Variants in CEP63 observed in about 807,000 individuals in gnomAD.
The protein encoded by CEP63 is centrosomal protein 63, also known as centrosomal protein of 63 kDa.
A neutral mutation model predicts 89.1 loss-of-function variants in CEP63; 84 were observed. The ratio of observed to expected loss-of-function variants is 0.94; its 90% CI spans 0.79 to 1.13. The LOEUF (loss-of-function observed/expected upper bound fraction) is 1.13. CEP63 is among the 50% of genes most tolerant of loss of function. CEP63 has a pLI of 0.00. For synonymous variants in CEP63, 267 were observed against 272.5 expected (o/e 0.98, Z 0.20); for missense variants, 838 against 813.3 (o/e 1.03, Z -0.37).
the CEP63 span, among the ~76,000 whole-genome samples, chr3:134,609,611 G>C: frequency 6.6e-6 from 1 of 152,132 alleles, no homozygotes; most frequent in Non-Finnish European, 1.5e-5. Flanking sequence ...TTAAGGCCAG[G>C]ATTGGCCAGA....
chr3:134,668,813 T>A, the CEP63 span, among the ~76,000 whole-genome samples: 1 of 152,188 alleles, frequency 6.6e-6, no homozygotes. Flanking sequence ...AAGCATATCT[T>A]ATTGTCACAT....
the CEP63 span, among the ~76,000 whole-genome samples, chr3:134,720,948 T>C: frequency 0.55 from 83,815 of 151,964 alleles, 24,649 homozygotes; most frequent in East Asian, 0.78. Flanking sequence ...AAGATTGTTT[T>C]GGCTATTTTG....
chr3:134,547,447 G>A lies in CEP63; in HGVS notation c.1042G>A (p.Ala348Thr). 1.2e-6 allele frequency: 2 copies of A among 1,613,704 alleles called. No individual in the cohort carries two copies. Among genetic ancestry groups the A allele is most frequent in the Admixed American group, 1.7e-5 (1 of 60,002 alleles). The change falls in exon 9 of 15, where the codon GCA becomes ACA. Residue 348 changes from alanine (A) to threonine (T), a missense_variant. By Grantham distance (58) the Ala-to-Thr change is moderately conservative. Transcript: ENST00000675561. ...FTHTSEDLLQ[A>T]EVTCLEGSLE... The stretch of plus-strand genomic sequence containing the variant: ...CCATACTAGTGAGGACCTTCTGCAG[G>A]CAGAGGTGACTTGTCTTGAAGGCAG...
intron 6 of CEP63, among the ~76,000 whole-genome samples, chr3:134,538,533 G>GTA (rs1404514000): frequency 0.02 from 1,996 of 101,088 alleles, 63 homozygotes; most frequent in African/African-American, 0.042. Context: ...GTGTGTGTGT[G>GTA]TATATATATA....
At chr3:134,550,312 A>C in intron 11 of CEP63, 52 bp downstream of exon 11, 1 of 1,477,648 alleles carries the variant, frequency 6.8e-7, no homozygotes, top group Non-Finnish European at 9.4e-7. Flanking sequence ...TTAAAGATGG[A>C]GTTGATTAAA....
At chr3:134,549,955 T>A (rs771777728) in intron 10 of CEP63, 108 bp from the exon 11 acceptor site, 98 of 838,654 alleles carry the variant, frequency 1.2e-4, no homozygotes, top group Non-Finnish European at 1.8e-4. Context: ...TAAGAGAAAT[T>A]TAATGTCTTG....
the CEP63 span, among the ~76,000 whole-genome samples, chr3:134,663,042 G>C: frequency 1.6e-3 from 242 of 152,274 alleles, no homozygotes; most frequent in African/African-American, 5.4e-3. Flanking sequence ...CTCCTCTTGG[G>C]GATGGGGATG....
chr3:134,552,520 T>C (rs1451866031), intron 12 of CEP63: 1 of 153,668 alleles, frequency 6.5e-6, no homozygotes, highest in African/African-American at 2.4e-5. Flanking sequence ...TATTTTTTTA[T>C]ATTATGTATG....
chr3:134,523,421 TGTTGCA>T (rs1947934714), intron 3 of CEP63, among the ~76,000 whole-genome samples: 1 of 152,240 alleles, frequency 6.6e-6, no homozygotes, highest in African/African-American at 2.4e-5. Context: ...GACTTGCTTT[TGTTGCA>T]GTTGCTTTTG....
intron 9 of CEP63, 116 bp downstream of exon 9, chr3:134,547,588 T>G: frequency 3.0e-6 from 2 of 671,154 alleles, no homozygotes; most frequent in Non-Finnish European, 5.0e-6. Flanking sequence ...TTTTCTAGTA[T>G]CCACAAATGG....
chr3:134,631,319 G>A, the CEP63 span, among the ~76,000 whole-genome samples: 3 of 152,154 alleles, frequency 2.0e-5, no homozygotes, highest in Admixed American at 6.5e-5. Context: ...ATGGAAAGTA[G>A]CCAGTGAAAA....
At chr3:134,592,380 A>T (rs533452018), downstream of CEP63, among the ~76,000 whole-genome samples, 47 of 152,188 alleles carry the variant, frequency 3.1e-4, no homozygotes, top group Admixed American at 1.8e-3. Flanking sequence ...ACATAAAAGG[A>T]TGGGAATTAG....
At chr3:134,615,107 C>T in the CEP63 span, 1 of 152,192 alleles carries the variant, frequency 6.6e-6, no homozygotes, top group African/African-American at 2.4e-5. Flanking sequence ...CCCATGTGCT[C>T]TCTTTTCCCT....
At chr3:134,551,724 C>CATATAT (rs71139540) in intron 11 of CEP63, among the ~76,000 whole-genome samples, 1 of 81,530 alleles carries the variant, frequency 1.2e-5, no homozygotes, top group African/African-American at 3.9e-5. Flanking sequence ...TTAGAAAGTC[C>CATATAT]ATATATATAT....
At chr3:134,514,955 G>C (rs906668325) in intron 3 of CEP63, among the ~76,000 whole-genome samples, 1 of 152,116 alleles carries the variant, frequency 6.6e-6, no homozygotes, top group Non-Finnish European at 1.5e-5. Context: ...CTGGGCTTAA[G>C]CAATCCTACC....
downstream of CEP63, among the ~76,000 whole-genome samples, chr3:134,567,994 G>A (rs1435519989): frequency 1.3e-5 from 2 of 152,368 alleles, no homozygotes; most frequent in African/African-American, 4.8e-5. Context: ...CTACAAGCAT[G>A]ACTGGGCAAA....
chr3:134,499,322 T>G (rs1272618347), intron 2 of CEP63, among the ~76,000 whole-genome samples: 1 of 152,204 alleles, frequency 6.6e-6, no homozygotes, highest in Non-Finnish European at 1.5e-5. Context: ...TGTAATAATC[T>G]CTAATGACCC....
chr3:134,620,784 A>G, the CEP63 span: 3,440 of 1,613,546 alleles, frequency 2.1e-3, 5 homozygotes, highest in Non-Finnish European at 2.6e-3. Flanking sequence ...GATGGCGCGG[A>G]CCCTTTCCAG....
chr3:134,487,301 CTG>C (rs1486118806), intron 1 of CEP63, among the ~76,000 whole-genome samples: 3 of 152,130 alleles, frequency 2.0e-5, no homozygotes, highest in Non-Finnish European at 2.9e-5. Context: ...TGCTTTTTGA[CTG>C]TGGCATTATC....
Sources: gnomAD v4.1 joint callset for allele counts (sites outside exome capture counted in the v4.1 genomes callset) on GRCh38, gnomAD v4.1.1 for gene constraint, MANE v1.5 for transcripts, NCBI Gene and HGNC (gene_info 2026-07-23, HGNC 2026-07-21) for gene names.